GRID2: variants seen among roughly 807,000 people sequenced by gnomAD.
GRID2 encodes glutamate ionotropic receptor delta type subunit 2, also known as glutamate receptor ionotropic, delta-2.
A neutral mutation model predicts 114.8 loss-of-function variants in GRID2; 33 were observed. The observed-to-expected ratio is 0.29, with a 90% CI of 0.22 to 0.38. The LOEUF is 0.38. Ranked by LOEUF, GRID2 falls within the 10% of genes least tolerant of loss-of-function variation. The pLI, the probability that GRID2 is intolerant of heterozygous loss-of-function variation, is 1.00. For missense variants in GRID2, 1,184 were observed against 1,257.7 expected (o/e 0.94, Z 0.89); for synonymous variants, 505 against 449.9 (o/e 1.12, Z -1.55).
At chr4:93,493,820 A>G (rs1727264662) in intron 12 of GRID2, among the ~76,000 whole-genome samples, 1 of 151,784 alleles carries the variant, frequency 6.6e-6, no homozygotes, top group South Asian at 2.1e-4. Flanking sequence ...CTACTGCCCA[A>G]AGTAACTTTG....
intron 14 of GRID2, among the ~76,000 whole-genome samples, chr4:93,698,400 A>T (rs1370991918): frequency 6.6e-6 from 1 of 152,068 alleles, no homozygotes; most frequent in African/African-American, 2.4e-5. Flanking sequence ...TCTGAGAAAA[A>T]CAGAAGAGAC....
chr4:93,332,308 G>C (rs1758581203), intron 8 of GRID2, among the ~76,000 whole-genome samples: 2 of 150,782 alleles, frequency 1.3e-5, no homozygotes, highest in Non-Finnish European at 3.0e-5. Flanking sequence ...GTGAGAGAGA[G>C]AGAGAGAGAG....
intron 1 of GRID2, among the ~76,000 whole-genome samples, chr4:92,587,247 A>G (rs924811457): frequency 1.3e-5 from 2 of 152,020 alleles, no homozygotes; most frequent in Non-Finnish European, 2.9e-5. Context: ...ATACCTGAGA[A>G]GGATCTAGAT....
chr4:92,947,218 A>G (rs950294503), intron 2 of GRID2, among the ~76,000 whole-genome samples: 2 of 152,066 alleles, frequency 1.3e-5, no homozygotes, highest in African/African-American at 4.8e-5. Context: ...AATACTATAG[A>G]TTCTAAAGAG....
intron 10 of GRID2, among the ~76,000 whole-genome samples, chr4:93,450,650 A>G (rs1580121467): frequency 6.6e-6 from 1 of 151,832 alleles, no homozygotes; most frequent in Non-Finnish European, 1.5e-5. Context: ...TATCCTTTTC[A>G]TGACTTGAGA....
intron 2 of GRID2, among the ~76,000 whole-genome samples, chr4:92,615,256 A>T (rs1258492044): frequency 6.6e-6 from 1 of 151,470 alleles, no homozygotes; most frequent in Non-Finnish European, 1.5e-5. Context: ...AACCCAAAGG[A>T]TCAAGCTCTC....
intron 2 of GRID2, among the ~76,000 whole-genome samples, chr4:92,728,262 C>T (rs1463137488): frequency 1.3e-5 from 2 of 152,006 alleles, no homozygotes. Flanking sequence ...AACAAATTAC[C>T]CCAAATGTTA....
chr4:93,601,232 G>A (rs1488800963), intron 13 of GRID2, among the ~76,000 whole-genome samples: 1 of 152,158 alleles, frequency 6.6e-6, no homozygotes, highest in Admixed American at 6.5e-5. Flanking sequence ...GTTTGGATTG[G>A]ATGGACAGTT....
intron 2 of GRID2, among the ~76,000 whole-genome samples, chr4:92,961,857 T>C (rs1752840472): frequency 6.6e-6 from 1 of 151,880 alleles, no homozygotes; most frequent in Non-Finnish European, 1.5e-5. Context: ...TTGTTGATGG[T>C]TTTTTTAATC....
chr4:92,604,972 T>TCTC (rs1729384185), intron 2 of GRID2, among the ~76,000 whole-genome samples: 2 of 149,406 alleles, frequency 1.3e-5, no homozygotes, highest in African/African-American at 2.5e-5. Flanking sequence ...GATAGTGAGT[T>TCTC]CTCGCAAGAT....
intron 14 of GRID2, among the ~76,000 whole-genome samples, chr4:93,753,028 A>C (rs758815236): frequency 6.6e-6 from 1 of 152,168 alleles, no homozygotes; most frequent in Non-Finnish European, 1.5e-5. Flanking sequence ...AGAGAAAATA[A>C]ATAGTTATCA....
intron 2 of GRID2, among the ~76,000 whole-genome samples, chr4:92,670,193 A>G (rs1464901468): frequency 1.3e-5 from 2 of 152,098 alleles, no homozygotes; most frequent in Admixed American, 1.3e-4. Flanking sequence ...CTATTGCAAT[A>G]TTCTTTGTTA....
intron 1 of GRID2, among the ~76,000 whole-genome samples, chr4:92,470,100 G>A (rs6856342): frequency 1.3e-5 from 2 of 151,598 alleles, no homozygotes; most frequent in Non-Finnish European, 2.9e-5. Context: ...ATAAAAACAG[G>A]TGTGAAAATT....
intron 14 of GRID2, among the ~76,000 whole-genome samples, chr4:93,628,511 G>A (rs1436478468): frequency 2.0e-5 from 3 of 152,042 alleles, no homozygotes; most frequent in Non-Finnish European, 2.9e-5. Context: ...GGGGAAATAC[G>A]GAGAAGGAAC....
chr4:93,053,291 T>G (rs1196979773), intron 2 of GRID2, among the ~76,000 whole-genome samples: 1 of 151,924 alleles, frequency 6.6e-6, no homozygotes. Flanking sequence ...ACTGAGCCCT[T>G]TAGATGATTC....
At chr4:93,117,830 C>A (rs1422380568) in intron 4 of GRID2, among the ~76,000 whole-genome samples, 1 of 152,008 alleles carries the variant, frequency 6.6e-6, no homozygotes, top group Non-Finnish European at 1.5e-5. Flanking sequence ...GCCACGAGTT[C>A]AATGTTAAAG....
At chr4:93,672,137 GA>G (rs369349226) in intron 14 of GRID2, among the ~76,000 whole-genome samples, 23 of 152,250 alleles carry the variant, frequency 1.5e-4, no homozygotes, top group African/African-American at 4.1e-4. Flanking sequence ...GAGTCAAGGG[GA>G]TAGATCCAGC....
intron 1 of GRID2, among the ~76,000 whole-genome samples, chr4:92,433,714 C>A (rs1489867026): frequency 6.6e-6 from 1 of 152,124 alleles, no homozygotes. Context: ...ATTTTTGTAT[C>A]TTATGGAGGT....
intron 14 of GRID2, among the ~76,000 whole-genome samples, chr4:93,698,033 G>A (rs1204342541): frequency 6.6e-6 from 1 of 151,320 alleles, no homozygotes; most frequent in Non-Finnish European, 1.5e-5. Flanking sequence ...GATATTTTTG[G>A]TAACTGCACT....
Sources: gnomAD v4.1 joint callset for allele counts (sites outside exome capture counted in the v4.1 genomes callset) on GRCh38, gnomAD v4.1.1 for gene constraint, MANE v1.5 for transcripts, NCBI Gene and HGNC (gene_info 2026-07-23, HGNC 2026-07-21) for gene names.